NKAIN2: variants seen among roughly 807,000 people sequenced by gnomAD.
NKAIN2 encodes sodium/potassium-transporting ATPase subunit beta-1-interacting protein 2.
NKAIN2 carries 14 observed loss-of-function variants against 32.6 expected under a neutral mutation model. That is an observed-to-expected ratio of 0.43 (90% CI 0.28 to 0.67). The LOEUF (loss-of-function observed/expected upper bound fraction) is 0.67. Ranked by LOEUF, NKAIN2 falls within the 30% of genes least tolerant of loss-of-function variation. The probability of loss-of-function intolerance (pLI) is 0.17; values close to 1 mark genes in which losing one functional copy is unlikely to be tolerated. For missense variants in NKAIN2, 198 were observed against 258.3 expected, an observed-to-expected ratio of 0.77 and a Z score of 1.60; for synonymous variants, 80 against 87.2, an observed-to-expected ratio of 0.92 and a Z score of 0.46.
intron 1 of NKAIN2, among the ~76,000 whole-genome samples, chr6:124,067,419 T>A: frequency 6.6e-6 from 1 of 152,128 alleles, no homozygotes; most frequent in Non-Finnish European, 1.5e-5. Flanking sequence ...CACATTCCAT[T>A]ATGAGAAACC....
chr6:124,223,325 G>T (rs1342340132), intron 1 of NKAIN2, among the ~76,000 whole-genome samples: 1 of 151,682 alleles, frequency 6.6e-6, no homozygotes, highest in African/African-American at 2.4e-5. Context: ...GAGAAATAAG[G>T]CATGTTTGTA....
At chr6:124,797,120 A>G (rs987055705) in intron 5 of NKAIN2, among the ~76,000 whole-genome samples, 1 of 150,542 alleles carries the variant, frequency 6.6e-6, no homozygotes. Flanking sequence ...CGATGTGGCA[A>G]TTAAAAGGAA....
intron 3 of NKAIN2, among the ~76,000 whole-genome samples, chr6:124,487,001 C>G (rs552082157): frequency 1.3e-5 from 2 of 152,130 alleles, no homozygotes; most frequent in African/African-American, 2.4e-5. Flanking sequence ...TTAAAAGATT[C>G]ACCAGGCACC....
Position 123,864,519 on chromosome 6 carries a change from A to C in NKAIN2, c.54+60265A>C, listed in dbSNP as rs143996579. Among the ~76,000 whole-genome samples, 5 of 152,348 alleles carry C rather than the reference A, an allele frequency of 3.3e-5. No homozygotes were observed. The East Asian group carries it at 7.7e-4, about 24-fold the overall frequency. On this transcript the variant is annotated intron_variant, in intron 1 of 6. Coordinates refer to ENST00000368417, the MANE Select transcript of NKAIN2 (RefSeq NM_001040214.3). Reference sequence around the variant, plus strand: ...GACAGACCATAAACAAATATATAACATGGCAAGAGGATAGTTAGAGATGTG... The same window carrying C: ...GACAGACCATAAACAAATATATAACCTGGCAAGAGGATAGTTAGAGATGTG...
At position 124,460,266 on chromosome 6, in the gene NKAIN2, A is replaced by G. The variant is rs555975730; in HGVS notation, c.273+104919A>G. Reference sequence around the variant, plus strand: ...TAGTTCTACTTTAAAATATTTTCCTATATTTGTCCTTTCCTTTAACAATGT... The same window carrying G: ...TAGTTCTACTTTAAAATATTTTCCTGTATTTGTCCTTTCCTTTAACAATGT... On this transcript the variant is annotated intron_variant, in intron 3 of 6. Coordinates refer to ENST00000368417, the MANE Select transcript of NKAIN2 (RefSeq NM_001040214.3). 2.6e-5 allele frequency among the ~76,000 whole-genome samples: 4 copies of G among 151,722 alleles called. No individual in the cohort carries two copies. The South Asian group carries it at 6.2e-4, about 24-fold the overall frequency.
chr6:123,900,779 CT>C (rs1420049251), intron 1 of NKAIN2, among the ~76,000 whole-genome samples: 1 of 151,934 alleles, frequency 6.6e-6, no homozygotes, highest in Non-Finnish European at 1.5e-5. Flanking sequence ...ATTTCTTCAG[CT>C]TTTCTCTTTG....
intron 1 of NKAIN2, among the ~76,000 whole-genome samples, chr6:124,155,554 A>G (rs1301382143): frequency 1.3e-5 from 2 of 151,978 alleles, no homozygotes; most frequent in African/African-American, 4.8e-5. Context: ...TGAGAGTCTT[A>G]TTTAGGATAG....
intron 3 of NKAIN2, among the ~76,000 whole-genome samples, chr6:124,357,072 C>A (rs540792938): frequency 6.6e-6 from 1 of 152,092 alleles, no homozygotes; most frequent in Non-Finnish European, 1.5e-5. Flanking sequence ...GCATTGAAAC[C>A]ACAGCAAGGG....
intron 3 of NKAIN2, among the ~76,000 whole-genome samples, chr6:124,408,829 G>A (rs539119860): frequency 2.0e-5 from 3 of 152,292 alleles, no homozygotes; most frequent in Admixed American, 6.5e-5. Flanking sequence ...CTACCCATGA[G>A]CATGGAATGT....
At chr6:124,357,527 A>G (rs1188326776) in intron 3 of NKAIN2, among the ~76,000 whole-genome samples, 1 of 149,452 alleles carries the variant, frequency 6.7e-6, no homozygotes, top group African/African-American at 2.5e-5. Flanking sequence ...AATCCATCAG[A>G]AAAAAAAAAG....
chr6:124,715,197 G>A (rs1201316329), intron 4 of NKAIN2, among the ~76,000 whole-genome samples: 1 of 152,150 alleles, frequency 6.6e-6, no homozygotes, highest in African/African-American at 2.4e-5. Flanking sequence ...CTAACTTGTA[G>A]CTGCTAAGAA....
At chr6:124,525,749 A>G (rs976405077) in intron 3 of NKAIN2, among the ~76,000 whole-genome samples, 1 of 152,182 alleles carries the variant, frequency 6.6e-6, no homozygotes, top group Non-Finnish European at 1.5e-5. Flanking sequence ...AAAAGACAGG[A>G]TTAAGAGTGA....
chr6:124,223,513 A>T (rs962664152), intron 1 of NKAIN2, among the ~76,000 whole-genome samples: 1 of 152,102 alleles, frequency 6.6e-6, no homozygotes, highest in African/African-American at 2.4e-5. Context: ...TCTAGTATTT[A>T]TACAAGACAC....
intron 3 of NKAIN2, among the ~76,000 whole-genome samples, chr6:124,590,557 G>A (rs139049543): frequency 9.7e-4 from 148 of 152,266 alleles, no homozygotes; most frequent in Non-Finnish European, 1.6e-3. Context: ...TTTGCTGTAA[G>A]GGCCAGTGGC....
intron 1 of NKAIN2, among the ~76,000 whole-genome samples, chr6:123,845,833 C>G (rs894046977): frequency 6.6e-6 from 1 of 152,126 alleles, no homozygotes; most frequent in Non-Finnish European, 1.5e-5. Context: ...GATGCTAAAG[C>G]GTTCCAAGTG....
intron 5 of NKAIN2, among the ~76,000 whole-genome samples, chr6:124,805,309 T>G (rs1416298897): frequency 6.6e-6 from 1 of 152,012 alleles, no homozygotes; most frequent in East Asian, 1.9e-4. Flanking sequence ...AGAGGAACGA[T>G]CAGACAGCGG....
chr6:124,275,871 A>G (rs1434494707), intron 1 of NKAIN2, among the ~76,000 whole-genome samples: 1 of 152,182 alleles, frequency 6.6e-6, no homozygotes, highest in Admixed American at 6.5e-5. Context: ...AGGCATCTTA[A>G]TAACTAATGT....
At chr6:124,592,813 A>G (rs1276130391) in intron 3 of NKAIN2, among the ~76,000 whole-genome samples, 2 of 152,164 alleles carry the variant, frequency 1.3e-5, no homozygotes, top group African/African-American at 2.4e-5. Context: ...ATAAAATAGG[A>G]GCATAGTATT....
intron 3 of NKAIN2, among the ~76,000 whole-genome samples, chr6:124,587,284 G>T (rs1305320198): frequency 1.3e-5 from 2 of 151,950 alleles, no homozygotes; most frequent in Non-Finnish European, 2.9e-5. Flanking sequence ...AGGCTGGAGT[G>T]CAGGGTGCTA....
Sources: gnomAD v4.1 joint callset for allele counts (sites outside exome capture counted in the v4.1 genomes callset) on GRCh38, gnomAD v4.1.1 for gene constraint, MANE v1.5 for transcripts, NCBI Gene and HGNC (gene_info 2026-07-23, HGNC 2026-07-21) for gene names.